The following SLC6A9 variants were observed in gnomAD, a reference collection of about 807,000 sequenced individuals.
SLC6A9 encodes the protein sodium- and chloride-dependent glycine transporter 1.
A neutral mutation model predicts 70.9 loss-of-function variants in SLC6A9; 31 were observed. That is an observed-to-expected ratio of 0.44 (90% CI 0.33 to 0.59). The LOEUF (loss-of-function observed/expected upper bound fraction) is 0.59. SLC6A9 is among the 20% of genes least tolerant of loss of function. The pLI is 0.04. For missense variants in SLC6A9, 631 were observed against 845.2 expected (o/e 0.75, Z 3.14); for synonymous variants, 310 against 341.3 (o/e 0.91, Z 1.01).
chr1:44,026,967 G>A (rs1052419219), intron 1 of SLC6A9, among the ~76,000 whole-genome samples: 2 of 152,250 alleles, frequency 1.3e-5, no homozygotes, highest in Non-Finnish European at 2.9e-5. Flanking sequence ...GGACTGGAGG[G>A]AAAAGACTGC....
intron 1 of SLC6A9, among the ~76,000 whole-genome samples, chr1:44,030,119 G>A (rs952989018): frequency 6.6e-6 from 1 of 152,020 alleles, no homozygotes; most frequent in East Asian, 1.9e-4. Context: ...AGTATCCGCC[G>A]GCCCGAGGCG....
chr1:44,002,747 G>A lies in SLC6A9; in HGVS notation c.724-101C>T, dbSNP rs1027046410. 3 of 1,592,054 alleles carry A rather than the reference G, an allele frequency of 1.9e-6. No individual in the cohort carries two copies. The highest frequency in any genetic ancestry group is 2.7e-5 in the African/African-American group (2 of 74,330). ...CCACCAGCCCCCTGGTCCCTCTCCG[G>A]CTCCGGAGTCCCTTCAGCATCCCCT... On this transcript the variant is annotated intron_variant, in intron 6 of 13. Transcript: ENST00000372310. This position sits in a 1 kb window ranked among gnomAD's most constrained non-coding sequence, Gnocchi z 5.5.
chr1:44,008,229 C>T, intron 5 of SLC6A9, 124 bp downstream of exon 5: 1 of 938,396 alleles, frequency 1.1e-6, no homozygotes, highest in South Asian at 1.5e-5. Flanking sequence ...TCACCTCTAC[C>T]CTCTCCCAGC....
At chr1:44,011,649 G>A (rs574579283) in intron 2 of SLC6A9, 2 of 1,613,818 alleles carry the variant, frequency 1.2e-6, no homozygotes. Flanking sequence ...GACAGACTCT[G>A]CTAGGGAAGT....
chr1:43,998,332 TG>T (rs2085960112), intron 12 of SLC6A9, among the ~76,000 whole-genome samples: 1 of 152,208 alleles, frequency 6.6e-6, no homozygotes, highest in Admixed American at 6.5e-5. Context: ...TGGCTCCCCA[TG>T]GCTAACTGAA....
At position 44,007,573 on chromosome 1, in the gene SLC6A9, C is replaced by T. The variant is rs2086363742; in HGVS notation, c.590+780G>A. On this transcript the variant is annotated intron_variant, in intron 5 of 13. Coordinates refer to ENST00000372310, the MANE Select transcript of SLC6A9 (RefSeq NM_001024845.3). ...CCGGCTCAGAGACCTTCCATGGCGT[C>T]TTTTGTTCTGCATCATCAAGTCTAA... is the stretch of plus-strand genomic sequence containing the variant. 2.6e-5 allele frequency among the ~76,000 whole-genome samples: 4 copies of T among 152,290 alleles called. No individual in the cohort carries two copies. The South Asian group carries it at 8.3e-4, about 32-fold the overall frequency.
intron 1 of SLC6A9, among the ~76,000 whole-genome samples, chr1:44,028,193 T>C (rs1050417914): frequency 6.6e-6 from 1 of 152,042 alleles, no homozygotes; most frequent in Non-Finnish European, 1.5e-5. Context: ...TGGAACAATA[T>C]GTGGAAAGGC....
chr1:43,997,514 G>T lies in SLC6A9; in HGVS notation c.*31C>A. ...AGTCTCTGCGGTGGGAGCACGGGGT[G>T]GGGGTGGGGCCACTCCCCTGGCAGC... On this transcript the variant is annotated 3_prime_UTR_variant, in exon 14 of 14. Coordinates refer to ENST00000372310, the MANE Select transcript of SLC6A9 (RefSeq NM_001024845.3). The surrounding 1 kb of genome is among the most constrained non-coding windows in gnomAD (Gnocchi z 4.4). 6.3e-7 allele frequency: 1 copy of T among 1,589,548 alleles called. No individual in the cohort carries two copies. The highest frequency in any genetic ancestry group is 1.8e-4 in the Middle Eastern group (1 of 5,686).
chr1:44,017,368 AACACACACACACACACAC>A (rs3038812), intron 2 of SLC6A9: 80 of 828,336 alleles, frequency 9.7e-5, no homozygotes, highest in African/African-American at 5.9e-4. Context: ...TAACTGGAAC[AACACACACACACACACAC>A]ACACACACAC....
intron 12 of SLC6A9, among the ~76,000 whole-genome samples, chr1:43,999,293 C>T (rs1300346674): frequency 6.6e-6 from 1 of 151,368 alleles, no homozygotes; most frequent in Non-Finnish European, 1.5e-5. Context: ...GGAGAGGACT[C>T]TAGGCTCCCC....
At position 44,008,616 on chromosome 1, in the gene SLC6A9, G is replaced by A. The variant is rs2086413839; in HGVS notation, c.327C>T (p.Gly109=). ...WRISPMFKGV[G]YGMMVVSTYI... is the part of the protein sequence containing the mutation. ...AGGTGGACACCACCATCATACCATA[G>A]CCCACTCCTGCAGGAGGGGAGGGGT... Residue 109 remains glycine (G), a synonymous_variant, in exon 5 of 14, where the codon GGC becomes GGT. Coordinates refer to ENST00000372310, the MANE Select transcript of SLC6A9 (RefSeq NM_001024845.3). 1 of 1,613,206 alleles carries A rather than the reference G, an allele frequency of 6.2e-7. No homozygotes were observed. The highest frequency in any genetic ancestry group is 1.3e-5 in the African/African-American group (1 of 75,038).
rs758884864 is a variant in SLC6A9, at chr1:44,003,479, G to A, written c.591-494C>T. Among the ~76,000 whole-genome samples, 32 of 152,186 alleles carry A rather than the reference G, an allele frequency of 2.1e-4. 1 individual carries two copies. Among genetic ancestry groups the A allele is most frequent in the Non-Finnish European group, 7.4e-5 (5 of 68,020 alleles). ...GCTCAGTAAAGATTGGACCCTGGCT[G>A]GGTGTGGTGGCTCACACCTGTAATC... On this transcript the variant is annotated intron_variant, in intron 5 of 13. Transcript: ENST00000372310.
At chr1:44,006,561 T>C in intron 5 of SLC6A9, among the ~76,000 whole-genome samples, 1 of 109,712 alleles carries the variant, frequency 9.1e-6, no homozygotes, top group Non-Finnish European at 1.7e-5. Context: ...CACTCCAGCC[T>C]GGGCAACAGA....
chr1:44,010,468 G>GGT, intron 3 of SLC6A9: 5 of 256,470 alleles, frequency 1.9e-5, no homozygotes, highest in South Asian at 6.6e-5. Context: ...GGGGGGGGGG[G>GGT]GGGTTAGGTC....
At chr1:44,027,478 T>C (rs540816161) in intron 1 of SLC6A9, among the ~76,000 whole-genome samples, 11 of 152,254 alleles carry the variant, frequency 7.2e-5, no homozygotes, top group African/African-American at 2.6e-4. Context: ...TCTCCAACAG[T>C]TTTCCACAGC....
At chr1:44,029,105 G>A (rs139997613) in intron 1 of SLC6A9, among the ~76,000 whole-genome samples, 104 of 152,312 alleles carry the variant, frequency 6.8e-4, no homozygotes, top group Non-Finnish European at 1.3e-3. Context: ...TGAGCTGCTT[G>A]TGAGCCAGAT....
chr1:44,029,123 C>A (rs2087043724), intron 1 of SLC6A9, among the ~76,000 whole-genome samples: 1 of 152,194 alleles, frequency 6.6e-6, no homozygotes, highest in Non-Finnish European at 1.5e-5. Flanking sequence ...GATGTTGAGA[C>A]ATCAGCCACA....
At chr1:44,025,795 G>A (rs1162819036) in intron 1 of SLC6A9, among the ~76,000 whole-genome samples, 24 of 149,496 alleles carry the variant, frequency 1.6e-4, no homozygotes, top group Non-Finnish European at 2.8e-4. Flanking sequence ...GCAAGACTCC[G>A]TCTCAAAAAA....
rs1392773049 is a variant in SLC6A9 at position 44,017,077 on chromosome 1, A to G, written c.31-6195T>C. The G allele has an allele frequency of 6.2e-7, 1 of 1,603,638 alleles. No individual in the cohort carries two copies. Among genetic ancestry groups the G allele is most frequent in the East Asian group, 2.3e-5 (1 of 43,846 alleles). ...CTGGGGAAGAGGGGGCCACAGGTCC[A>G]TGAGCCGCGGCCATCCTGGGGCGAG... On this transcript the variant is annotated intron_variant, in intron 2 of 13. Coordinates refer to ENST00000372310, the MANE Select transcript of SLC6A9 (RefSeq NM_001024845.3).
Sources: gnomAD v4.1 joint callset for allele counts (sites outside exome capture counted in the v4.1 genomes callset) on GRCh38, gnomAD v4.1.1 for gene constraint, Gnocchi (gnomAD v3.1) non-coding constraint, MANE v1.5 for transcripts, NCBI Gene and HGNC (gene_info 2026-07-23, HGNC 2026-07-21) for gene names.